Variants in ABHD10 observed in about 807,000 individuals in gnomAD.
ABHD10 encodes the protein palmitoyl-protein thioesterase ABHD10, mitochondrial.
ABHD10 carries 22 observed loss-of-function variants against 33.1 expected under a neutral mutation model. The ratio of observed to expected loss-of-function variants is 0.66; its 90% CI spans 0.47 to 0.95. The LOEUF (loss-of-function observed/expected upper bound fraction) is 0.95. Among genes scored for constraint, ABHD10 ranks in the 40% least tolerant of loss-of-function variants. The pLI is 0.00. For missense variants in ABHD10, 352 were observed against 379.9 expected (o/e 0.93, Z 0.61); for synonymous variants, 146 against 133.9 (o/e 1.09, Z -0.62).
At chr3:111,990,149 T>C (rs1041032700) in intron 4 of ABHD10, among the ~76,000 whole-genome samples, 1 of 152,030 alleles carries the variant, frequency 6.6e-6, no homozygotes, top group Admixed American at 6.5e-5. Flanking sequence ...ATCTTTCCAA[T>C]AATCTATTAT....
rs1363461067 is a variant in ABHD10 at position 111,992,004 on chromosome 3, T to C, written c.*283T>C. 2 of 252,516 alleles carry C rather than the reference T, an allele frequency of 7.9e-6. No individual in the cohort carries two copies. Among genetic ancestry groups the C allele is most frequent in the East Asian group, 1.9e-4 (2 of 10,778 alleles). 15.6% of individuals were successfully genotyped at this position (252,516 alleles called of 1,614,324 possible). On this transcript the variant is annotated 3_prime_UTR_variant, in exon 5 of 5. Transcript: ENST00000273359. ...TTACCTTTCTTATGCTTATGTTAGC[T>C]ATGCCAGCTCTTAATTGCATCCTTT... is the stretch of plus-strand genomic sequence containing the variant.
chr3:111,990,485 A>G (rs1015725543), intron 4 of ABHD10, among the ~76,000 whole-genome samples: 1 of 152,010 alleles, frequency 6.6e-6, no homozygotes, highest in Admixed American at 6.5e-5. Flanking sequence ...TATGTTTTCT[A>G]TAATGACTGC....
At chr3:111,983,595 A>G (rs2072614152) in intron 2 of ABHD10, among the ~76,000 whole-genome samples, 1 of 152,190 alleles carries the variant, frequency 6.6e-6, no homozygotes, top group Admixed American at 6.5e-5. Flanking sequence ...CTTTATTATA[A>G]GAGATTTTAT....
chr3:111,983,031 G>A (rs1280623082), intron 2 of ABHD10, among the ~76,000 whole-genome samples: 1 of 152,106 alleles, frequency 6.6e-6, no homozygotes, highest in Non-Finnish European at 1.5e-5. Context: ...ACTGAGTGCT[G>A]CATAATAACA....
Position 111,991,559 on chromosome 3 carries a change from T to C in ABHD10, c.759T>C (p.Pro253=), listed in dbSNP as rs756556317. The C allele has an allele frequency of 6.2e-7, 1 of 1,614,142 alleles. No homozygotes were observed. Among genetic ancestry groups the C allele is most frequent in the Non-Finnish European group, 8.5e-7 (1 of 1,179,986 alleles). ...LLHGMKDDIV[P]WHTSMQVADR... ...ATGGCATGAAGGATGACATTGTACCTTGGCATACATCAATGCAGGTTGCCG... is the reference window on the plus strand; with the variant it reads ...ATGGCATGAAGGATGACATTGTACCCTGGCATACATCAATGCAGGTTGCCG... The change falls in exon 5 of 5, where the codon CCT becomes CCC. Residue 253 remains proline, a synonymous_variant. Coordinates refer to ENST00000273359, the MANE Select transcript of ABHD10 (RefSeq NM_018394.4).
At position 111,992,958 on chromosome 3, in the gene ABHD10, G is replaced by A. The variant is rs371479204; in HGVS notation, c.*1237G>A. The A allele has an allele frequency of 1.1e-4, 17 of 152,292 alleles. 1 individual carries two copies. In the South Asian group the frequency reaches 3.5e-3, roughly 32 times the overall value. The allele number at this position is 152,292 out of a possible 1,614,324, so 9.4% of individuals were successfully genotyped here. On this transcript the variant is annotated 3_prime_UTR_variant, in exon 5 of 5. Coordinates refer to ENST00000273359, the MANE Select transcript of ABHD10 (RefSeq NM_018394.4). ...TGCTTTACAAGGTTGGCCCTTGATT[G>A]GCATCTGGGAACTTGGAGTTCAGGG...
At chr3:111,986,868 C>T (rs980745515) in intron 3 of ABHD10, 46 bp from the exon 4 acceptor site, 17 of 1,431,938 alleles carry the variant, frequency 1.2e-5, no homozygotes, top group East Asian at 7.5e-5. Flanking sequence ...TGTTTATAAC[C>T]TGTTCTATCT....
intron 2 of ABHD10, among the ~76,000 whole-genome samples, chr3:111,985,078 C>A (rs755549931): frequency 9.9e-5 from 15 of 152,158 alleles, no homozygotes; most frequent in Non-Finnish European, 1.2e-4. Flanking sequence ...CTAAATGGGG[C>A]ATATATGTCA....
intron 1 of ABHD10, among the ~76,000 whole-genome samples, chr3:111,980,920 G>A (rs2107708652): frequency 6.6e-6 from 1 of 152,240 alleles, no homozygotes; most frequent in South Asian, 2.1e-4. Flanking sequence ...GGGTGGATGG[G>A]AGTCAGTAAT....
intron 1 of ABHD10, among the ~76,000 whole-genome samples, chr3:111,980,224 T>A (rs2072565191): frequency 6.6e-6 from 1 of 152,202 alleles, no homozygotes; most frequent in East Asian, 1.9e-4. Context: ...AGTGAGAATT[T>A]TTTTTAGTGC....
At chr3:111,984,257 G>T (rs2072624358) in intron 2 of ABHD10, among the ~76,000 whole-genome samples, 2 of 152,062 alleles carry the variant, frequency 1.3e-5, no homozygotes, top group South Asian at 4.1e-4. Flanking sequence ...ATTTCCCAAG[G>T]ATCCAAAATC....
intron 2 of ABHD10, among the ~76,000 whole-genome samples, chr3:111,984,992 A>C (rs561680885): frequency 6.6e-6 from 1 of 152,376 alleles, no homozygotes; most frequent in African/African-American, 2.4e-5. Context: ...TCAGAGGGAG[A>C]TGAATGTTTA....
intron 2 of ABHD10, among the ~76,000 whole-genome samples, chr3:111,985,743 G>A (rs143930291): frequency 2.5e-4 from 37 of 149,018 alleles, no homozygotes; most frequent in African/African-American, 7.8e-4. Flanking sequence ...CTGGAGGAGA[G>A]TATGCCATGT....
chr3:111,979,237 C>G (rs747676706), intron 1 of ABHD10, 34 bp downstream of exon 1: 2 of 1,568,206 alleles, frequency 1.3e-6, no homozygotes, highest in Non-Finnish European at 1.7e-6. Flanking sequence ...AGGATGCGTT[C>G]TTTCGAACGC....
chr3:111,982,227 A>G (rs2072594290), intron 2 of ABHD10: 1 of 292,374 alleles, frequency 3.4e-6, no homozygotes, highest in Non-Finnish European at 6.3e-6. Flanking sequence ...CTTTAGAGGC[A>G]ATAATGTATG....
At position 111,991,574 on chromosome 3, in the gene ABHD10, G is replaced by T. The variant is rs754487031; in HGVS notation, c.774G>T (p.Met258Ile). Residue 258 changes from methionine to isoleucine, a missense_variant, in exon 5 of 5, where the codon ATG becomes ATT. Coordinates refer to ENST00000273359, the MANE Select transcript of ABHD10 (RefSeq NM_018394.4). ...ACATTGTACCTTGGCATACATCAAT[G>T]CAGGTTGCCGATCGAGTACTCAGCA... ...KDDIVPWHTS[M>I]QVADRVLSTD... is the part of the protein sequence containing the mutation. 5 of 1,614,126 alleles carry T rather than the reference G, an allele frequency of 3.1e-6. No homozygotes were observed. The highest frequency in any genetic ancestry group is 2.2e-5 in the East Asian group (1 of 44,872).
intron 1 of ABHD10, among the ~76,000 whole-genome samples, chr3:111,981,160 C>T (rs2072578668): frequency 6.6e-6 from 1 of 151,354 alleles, no homozygotes; most frequent in Non-Finnish European, 1.5e-5. Flanking sequence ...AAAAATTAAC[C>T]AGGTGTGGTG....
At chr3:111,986,652 GTCTCGA>G (rs896960904) in intron 3 of ABHD10, among the ~76,000 whole-genome samples, 1 of 152,028 alleles carries the variant, frequency 6.6e-6, no homozygotes, top group African/African-American at 2.4e-5. Context: ...GGCCAGGATG[GTCTCGA>G]TCTCCTGACC....
intron 1 of ABHD10, among the ~76,000 whole-genome samples, chr3:111,980,422 C>T (rs2072567531): frequency 6.6e-6 from 1 of 152,100 alleles, no homozygotes; most frequent in Non-Finnish European, 1.5e-5. Context: ...ACTTTAGCAG[C>T]ACACATGGAT....
Sources: allele counts gnomAD v4.1 joint callset (sites outside exome capture counted in the v4.1 genomes callset), GRCh38; gene constraint gnomAD v4.1.1; transcripts MANE v1.5; gene names NCBI Gene and HGNC (gene_info 2026-07-23, HGNC 2026-07-21).